The following EPHA6 variants were observed in gnomAD, a reference collection of about 807,000 sequenced individuals.
The protein encoded by EPHA6 is ephrin type-A receptor 6.
EPHA6 carries 50 observed loss-of-function variants against 112.0 expected under a neutral mutation model. The observed-to-expected ratio is 0.45, with a 90% CI of 0.36 to 0.56. The LOEUF is 0.56. Ranked by LOEUF, EPHA6 falls within the 20% of genes least tolerant of loss-of-function variation. The pLI is 0.00. For missense variants in EPHA6, 1,280 were observed against 1,417.4 expected, an observed-to-expected ratio of 0.90 and a Z score of 1.56; for synonymous variants, 529 against 490.7, an observed-to-expected ratio of 1.08 and a Z score of -1.03.
chr3:97,070,134 T>G (rs974062671), intron 3 of EPHA6, among the ~76,000 whole-genome samples: 4 of 152,170 alleles, frequency 2.6e-5, no homozygotes, highest in Non-Finnish European at 5.9e-5. Flanking sequence ...ACTCAGTTGC[T>G]CAATAGTATC....
At chr3:97,076,466 G>T (rs1368871470) in intron 3 of EPHA6, among the ~76,000 whole-genome samples, 1 of 152,152 alleles carries the variant, frequency 6.6e-6, no homozygotes, top group African/African-American at 2.4e-5. Context: ...AGCTGACAGA[G>T]ATTGGTTCAT....
intron 5 of EPHA6, among the ~76,000 whole-genome samples, chr3:97,365,345 G>A (rs1301779654): frequency 2.0e-5 from 3 of 151,816 alleles, no homozygotes; most frequent in Non-Finnish European, 4.4e-5. Flanking sequence ...CTACCCTACA[G>A]ACATCATTAG....
intron 5 of EPHA6, among the ~76,000 whole-genome samples, chr3:97,245,810 A>C (rs1041101769): frequency 1.3e-5 from 2 of 151,836 alleles, no homozygotes; most frequent in African/African-American, 4.8e-5. Flanking sequence ...CTGACACTAC[A>C]TACGTGATAA....
At chr3:97,455,828 G>A (rs1163961664) in intron 7 of EPHA6, among the ~76,000 whole-genome samples, 3 of 150,970 alleles carry the variant, frequency 2.0e-5, no homozygotes, top group East Asian at 1.9e-4. Flanking sequence ...AGTAGAAGTC[G>A]CCCTTCAAGA....
chr3:96,880,663 C>T (rs769010386), intron 2 of EPHA6, among the ~76,000 whole-genome samples: 66 of 152,072 alleles, frequency 4.3e-4, no homozygotes, highest in Non-Finnish European at 8.4e-4. Flanking sequence ...CACCCCATAT[C>T]CATTAATCTG....
chr3:97,352,764 A>G (rs1010278481), intron 5 of EPHA6, among the ~76,000 whole-genome samples: 4 of 152,108 alleles, frequency 2.6e-5, no homozygotes, highest in Non-Finnish European at 5.9e-5. Context: ...GTGTTGGGCT[A>G]GGAGCCAGTG....
intron 11 of EPHA6, among the ~76,000 whole-genome samples, chr3:97,545,189 C>T (rs1047437520): frequency 6.6e-6 from 1 of 152,080 alleles, no homozygotes; most frequent in Non-Finnish European, 1.5e-5. Flanking sequence ...CCTGCTTTCT[C>T]TTGTGGGCAT....
intron 1 of EPHA6, among the ~76,000 whole-genome samples, chr3:96,815,947 G>A (rs922494103): frequency 4.6e-5 from 7 of 152,136 alleles, no homozygotes; most frequent in African/African-American, 1.7e-4. Flanking sequence ...GTGCTGTAAT[G>A]ACCAACCGAT....
intron 10 of EPHA6, among the ~76,000 whole-genome samples, chr3:97,494,751 T>C (rs563309419): frequency 6.6e-6 from 1 of 152,280 alleles, no homozygotes; most frequent in South Asian, 2.1e-4. Flanking sequence ...CTACTGGTAC[T>C]CGTTCTGCAA....
chr3:97,032,137 G>A (rs1469203177), intron 3 of EPHA6, among the ~76,000 whole-genome samples: 1 of 152,148 alleles, frequency 6.6e-6, no homozygotes, highest in Admixed American at 6.6e-5. Flanking sequence ...ATGAGTTCAT[G>A]TCCTTTGTAG....
At chr3:97,258,829 A>G (rs1431234975) in intron 5 of EPHA6, among the ~76,000 whole-genome samples, 1 of 152,202 alleles carries the variant, frequency 6.6e-6, no homozygotes, top group Admixed American at 6.5e-5. Context: ...ATGATGAGCA[A>G]GCAAATGCTC....
At chr3:97,198,605 C>G (rs1244656748) in intron 3 of EPHA6, among the ~76,000 whole-genome samples, 1 of 152,100 alleles carries the variant, frequency 6.6e-6, no homozygotes, top group Non-Finnish European at 1.5e-5. Flanking sequence ...GCTTTGGCCC[C>G]TTTAATTCTT....
intron 10 of EPHA6, among the ~76,000 whole-genome samples, chr3:97,498,732 T>A (rs1333404713): frequency 6.6e-6 from 1 of 152,116 alleles, no homozygotes; most frequent in Non-Finnish European, 1.5e-5. Context: ...GACATTAGAC[T>A]CTCATAGGAG....
chr3:97,307,509 G>A (rs2081368493), intron 5 of EPHA6, among the ~76,000 whole-genome samples: 1 of 151,490 alleles, frequency 6.6e-6, no homozygotes, highest in Non-Finnish European at 1.5e-5. Context: ...AAATTTACCT[G>A]TACTTAGCTG....
chr3:97,009,720 G>T (rs1464586113), intron 3 of EPHA6, among the ~76,000 whole-genome samples: 2 of 152,214 alleles, frequency 1.3e-5, no homozygotes, highest in Admixed American at 6.5e-5. Context: ...CTACGCCCCG[G>T]TGTCATGGTT....
intron 5 of EPHA6, among the ~76,000 whole-genome samples, chr3:97,291,615 T>G (rs1208317830): frequency 6.6e-6 from 1 of 152,234 alleles, no homozygotes; most frequent in Non-Finnish European, 1.5e-5. Flanking sequence ...AATACGTTCT[T>G]CTGCTTAATC....
chr3:97,728,301 G>A (rs1197755174), intron 15 of EPHA6, among the ~76,000 whole-genome samples: 2 of 151,792 alleles, frequency 1.3e-5, no homozygotes, highest in Admixed American at 6.6e-5. Flanking sequence ...ATGGCACTAA[G>A]TCTTAAGAAC....
At chr3:97,238,070 G>T (rs2078732550) in intron 4 of EPHA6, among the ~76,000 whole-genome samples, 1 of 151,830 alleles carries the variant, frequency 6.6e-6, no homozygotes, top group Non-Finnish European at 1.5e-5. Context: ...CTACCATTTT[G>T]GAAATTTCCC....
rs965915095 is a variant in EPHA6, at chr3:97,251,269, G to T, written c.1606+6982G>T. ...CAAAAGGCCGGGCGCAGTGGCTCAC[G>T]CCTGTAATCTCAGCACTTTGGGAGG... On this transcript the variant is annotated intron_variant, in intron 5 of 17. Transcript: ENST00000389672. 1.2e-3 allele frequency among the ~76,000 whole-genome samples: 184 copies of T among 152,176 alleles called. 2 individuals are homozygous for T. Among genetic ancestry groups the T allele is most frequent in the African/African-American group, 4.2e-3 (175 of 41,548 alleles).
Sources: gnomAD v4.1 joint callset for allele counts (sites outside exome capture counted in the v4.1 genomes callset) on GRCh38, gnomAD v4.1.1 for gene constraint, MANE v1.5 for transcripts, NCBI Gene and HGNC (gene_info 2026-07-23, HGNC 2026-07-21) for gene names.